ADCY8: variants seen among roughly 807,000 people sequenced by gnomAD.
The protein encoded by ADCY8 is adenylate cyclase 8, also known as adenylate cyclase type 8.
Under a neutral mutation model 119.7 loss-of-function variants are expected in ADCY8, and 51 were observed. The ratio of observed to expected loss-of-function variants is 0.43; its 90% confidence interval spans 0.34 to 0.54. The LOEUF (loss-of-function observed/expected upper bound fraction) is 0.54. ADCY8 is among the 20% of genes least tolerant of loss of function. ADCY8 has a pLI of 0.03. For synonymous variants in ADCY8, 665 were observed against 651.0 expected (o/e 1.02, Z -0.33); for missense variants, 1,383 against 1,598.8 (o/e 0.87, Z 2.30).
intron 14 of ADCY8, among the ~76,000 whole-genome samples, chr8:130,807,983 CAAAAAAAAAAAAAAAAAAAAAAA>C (rs752321769): frequency 1.1e-4 from 5 of 47,224 alleles, no homozygotes; most frequent in Admixed American, 4.1e-4. Context: ...GACTCCGTCT[CAAAAAAAAAAAAAAAAAAAAAAA>C]AAAAAAAAAA....
At chr8:130,834,216 A>T (rs1816919880) in intron 12 of ADCY8, among the ~76,000 whole-genome samples, 1 of 152,166 alleles carries the variant, frequency 6.6e-6, no homozygotes, top group African/African-American at 2.4e-5. Context: ...TTCAACAAGA[A>T]AATGATGAAT....
chr8:130,867,144 A>G (rs1277924354), intron 9 of ADCY8, among the ~76,000 whole-genome samples: 1 of 152,186 alleles, frequency 6.6e-6, no homozygotes, highest in African/African-American at 2.4e-5. Context: ...GAGGAGAGGA[A>G]AAAGCATAGC....
intron 1 of ADCY8, among the ~76,000 whole-genome samples, chr8:131,033,035 A>C (rs1322634371): frequency 6.6e-6 from 1 of 152,238 alleles, no homozygotes; most frequent in African/African-American, 2.4e-5. Context: ...CCAAGAACAC[A>C]CTTCAGAAGT....
intron 14 of ADCY8, 118 bp downstream of exon 14, chr8:130,813,951 C>T (rs981641921): frequency 2.3e-6 from 3 of 1,281,472 alleles, no homozygotes; most frequent in Admixed American, 2.1e-5. Context: ...GGAGTTTCTC[C>T]ATTCTCATGC....
At chr8:130,965,637 G>T (rs1821739760) in intron 2 of ADCY8, among the ~76,000 whole-genome samples, 1 of 152,086 alleles carries the variant, frequency 6.6e-6, no homozygotes, top group African/African-American at 2.4e-5. Flanking sequence ...GTATGCCCAT[G>T]AACCCACATT....
At chr8:130,869,367 C>T (rs372883140) in intron 8 of ADCY8, among the ~76,000 whole-genome samples, 11 of 151,958 alleles carry the variant, frequency 7.2e-5, no homozygotes, top group Non-Finnish European at 1.3e-4. Flanking sequence ...ATCATAGAGG[C>T]CTACACAGAG....
intron 1 of ADCY8, among the ~76,000 whole-genome samples, chr8:131,012,954 C>G: frequency 6.6e-6 from 1 of 152,174 alleles, no homozygotes; most frequent in East Asian, 1.9e-4. Context: ...TAACTTTGAA[C>G]AACTAACAAA....
chr8:130,854,240 T>C (rs1222618575), intron 9 of ADCY8, among the ~76,000 whole-genome samples: 1 of 152,234 alleles, frequency 6.6e-6, no homozygotes, highest in East Asian at 1.9e-4. Context: ...TTTTGCATTG[T>C]TGGTGCACAT....
chr8:130,879,727 G>A (rs1335397791), intron 8 of ADCY8, among the ~76,000 whole-genome samples: 1 of 152,160 alleles, frequency 6.6e-6, no homozygotes, highest in Non-Finnish European at 1.5e-5. Context: ...CAATGAGATA[G>A]TATGTAAATA....
In ADCY8 at chr8:131,040,152, C is replaced by G; in HGVS notation, c.182G>C (p.Gly61Ala). The G allele has an allele frequency of 6.5e-7, 1 of 1,532,754 alleles. No individual in the cohort carries two copies. Among genetic ancestry groups the G allele is most frequent in the Non-Finnish European group, 8.7e-7 (1 of 1,145,366 alleles). The allele number at this position is 1,532,754 out of a possible 1,614,324, so 94.9% of individuals were successfully genotyped here. A position where few individuals can be genotyped will look rare whatever the true frequency, so the allele number is the denominator to read the frequency against. ...IHGHRGGSGSGSGGSGKASDP... is the reference protein window; with the variant it reads ...IHGHRGGSGSASGGSGKASDP... ...CGAGGCTTTGCCCGAGCCTCCACTC[C>G]CGCTGCCGCTGCCTCCCCGGTGCCC... Residue 61 changes from glycine (G) to alanine (A), a missense_variant, in exon 1 of 18, where the codon GGG becomes GCG. Coordinates refer to ENST00000286355, the MANE Select transcript of ADCY8 (RefSeq NM_001115.3).
chr8:130,948,323 C>G (rs753368764), intron 3 of ADCY8, among the ~76,000 whole-genome samples: 1 of 152,146 alleles, frequency 6.6e-6, no homozygotes, highest in South Asian at 2.1e-4. Flanking sequence ...GGATGGAGAG[C>G]GTGAATGACT....
chr8:130,819,116 C>T (rs1287895839), intron 13 of ADCY8, among the ~76,000 whole-genome samples: 18 of 152,140 alleles, frequency 1.2e-4, no homozygotes, highest in Non-Finnish European at 1.8e-4. Flanking sequence ...ACCCATTTTA[C>T]AGGTGAGGAA....
chr8:130,847,356 GT>G, intron 11 of ADCY8, 67 bp downstream of exon 11: 1 of 1,209,064 alleles, frequency 8.3e-7, no homozygotes, highest in Non-Finnish European at 1.2e-6. Context: ...AGCCAGTCTT[GT>G]TTATTTGGAG....
chr8:130,884,532 G>C, intron 8 of ADCY8, 32 bp downstream of exon 8: 1 of 1,610,632 alleles, frequency 6.2e-7, no homozygotes, highest in Non-Finnish European at 8.5e-7. Context: ...AATTTACTCA[G>C]AAAAAGAGCC....
chr8:130,979,506 G>A (rs532834382), intron 2 of ADCY8, among the ~76,000 whole-genome samples: 70 of 152,302 alleles, frequency 4.6e-4, no homozygotes, highest in African/African-American at 1.5e-3. Context: ...CTAAAGGAGC[G>A]TGCCCATGTG....
intron 15 of ADCY8, among the ~76,000 whole-genome samples, chr8:130,790,078 T>C (rs1257039685): frequency 6.6e-6 from 1 of 152,190 alleles, no homozygotes; most frequent in African/African-American, 2.4e-5. Context: ...GTCTTTGCCT[T>C]TGATGGGCTT....
intron 1 of ADCY8, among the ~76,000 whole-genome samples, chr8:130,997,516 C>G (rs1822817022): frequency 1.3e-5 from 2 of 152,010 alleles, no homozygotes; most frequent in South Asian, 4.2e-4. Context: ...GCAGGATGTT[C>G]AAAACTTATG....
intron 1 of ADCY8, among the ~76,000 whole-genome samples, chr8:131,011,988 AG>A (rs1823321973): frequency 1.3e-5 from 2 of 152,170 alleles, no homozygotes; most frequent in African/African-American, 4.8e-5. Context: ...CAGGGGAACA[AG>A]GGGGTAGAGG....
At position 130,942,391 on chromosome 8, in the gene ADCY8, C is replaced by T. The variant is rs1820982388; in HGVS notation, c.1353+960G>A. Among the ~76,000 whole-genome samples the T allele has an allele frequency of 3.3e-5, 5 of 152,206 alleles. No homozygotes were observed. In the South Asian group the frequency reaches 1.0e-3, roughly 32 times the overall value. ...GTGTTTCCATGGCCCCCAGACTTAC[C>T]TTCCTCATAACACATGGCACATTTT... is the stretch of plus-strand genomic sequence containing the variant. On this transcript the variant is annotated intron_variant, in intron 4 of 17. Transcript: ENST00000286355.
Sources: allele counts gnomAD v4.1 joint callset (sites outside exome capture counted in the v4.1 genomes callset), GRCh38; gene constraint gnomAD v4.1.1; transcripts MANE v1.5; gene names NCBI Gene and HGNC (gene_info 2026-07-23, HGNC 2026-07-21).